MTMR6: variants seen among roughly 807,000 people sequenced by gnomAD.
MTMR6 encodes the protein phosphatidylinositol-3,5-bisphosphate 3-phosphatase MTMR6.
A neutral mutation model predicts 80.1 loss-of-function variants in MTMR6; 47 were observed. That is an observed-to-expected ratio of 0.59 (90% CI 0.46 to 0.75). The LOEUF (loss-of-function observed/expected upper bound fraction) is 0.75. MTMR6 is among the 30% of genes least tolerant of loss of function. The pLI is 0.00. For missense variants in MTMR6, 629 were observed against 730.9 expected (o/e 0.86, Z 1.61); for synonymous variants, 254 against 253.0 (o/e 1.00, Z -0.04).
intron 1 of MTMR6, among the ~76,000 whole-genome samples, chr13:25,281,784 C>T (rs1354255095): frequency 6.6e-6 from 1 of 152,128 alleles, no homozygotes; most frequent in East Asian, 1.9e-4. Context: ...AAGTTGTGTG[C>T]AGGAAGTGGA....
chr13:25,248,928 TG>T lies in MTMR6; in HGVS notation c.*303del, dbSNP rs1957031101. On this transcript the variant is annotated 3_prime_UTR_variant, in exon 14 of 14. Transcript: ENST00000381801. ...AATTGTACTTAAGGAAGGTTATTTA[TG>T]TTTGGCTGAATTAACATAAATCATA... 4.0e-6 allele frequency: 1 copy of T among 250,666 alleles called. No individual in the cohort carries two copies. The highest frequency in any genetic ancestry group is 7.6e-6 in the Non-Finnish European group (1 of 131,804). The allele number at this position is 250,666 out of a possible 1,614,324, so 15.5% of individuals were successfully genotyped here. A position where few individuals can be genotyped will look rare whatever the true frequency, so the allele number is the denominator to read the frequency against.
At chr13:25,267,717 A>C (rs1366802427) in intron 3 of MTMR6, 62 bp downstream of exon 3, 5 of 1,470,650 alleles carry the variant, frequency 3.4e-6, no homozygotes, top group Non-Finnish European at 4.6e-6. Context: ...AACATTAAAT[A>C]AAGTATCTTA....
At position 25,262,348 on chromosome 13, in the gene MTMR6, T is replaced by G. The variant is rs150826652; in HGVS notation, c.592-546A>C. Among the ~76,000 whole-genome samples the G allele has an allele frequency of 9.3e-3, 1,409 of 152,280 alleles. 26 individuals carry two copies. Among genetic ancestry groups the G allele is most frequent in the African/African-American group, 0.032 (1,311 of 41,562 alleles). Reference sequence around the variant, plus strand: ...ATCTATAAGTAGTGAGTGGTTGGATTCATTATTTACTGTTTTTTGTTTGGC... The same window carrying G: ...ATCTATAAGTAGTGAGTGGTTGGATGCATTATTTACTGTTTTTTGTTTGGC... On this transcript the variant is annotated intron_variant, in intron 5 of 13. Transcript: ENST00000381801.
chr13:25,270,850 A>G (rs1400636141), intron 2 of MTMR6, among the ~76,000 whole-genome samples: 1 of 152,232 alleles, frequency 6.6e-6, no homozygotes, highest in African/African-American at 2.4e-5. Context: ...GGGGTGTACC[A>G]CAGAGCAACA....
At chr13:25,258,195 T>A (rs1470148376) in intron 7 of MTMR6, among the ~76,000 whole-genome samples, 2 of 152,158 alleles carry the variant, frequency 1.3e-5, no homozygotes, top group African/African-American at 4.8e-5. Flanking sequence ...AGAATATCTA[T>A]CTAATAACAT....
intron 5 of MTMR6, among the ~76,000 whole-genome samples, chr13:25,264,005 A>G (rs921100390): frequency 6.6e-6 from 1 of 152,240 alleles, no homozygotes; most frequent in Non-Finnish European, 1.5e-5. Flanking sequence ...TATTTGAAAG[A>G]CATGAAAGAC....
Position 25,287,254 on chromosome 13 carries a change from G to C in MTMR6, c.-7C>G, listed in dbSNP as rs748263150. The C allele has an allele frequency of 1.9e-6, 3 of 1,593,344 alleles. No homozygotes were observed. The highest frequency in any genetic ancestry group is 1.7e-6 in the Non-Finnish European group (2 of 1,172,608). ...TCGTCCGGATATGCTCCATCGCAAG[G>C]AGACGTCAGCCGGCAGCCGGTCTCA... On this transcript the variant is annotated 5_prime_UTR_variant, in exon 1 of 14. Coordinates refer to ENST00000381801, the MANE Select transcript of MTMR6 (RefSeq NM_004685.5).
rs558473421 is a variant in MTMR6 at position 25,247,666 on chromosome 13, A to G, written c.*1566T>C. ...AATCACATACTATATTTTATAGTGCATTTCTGTTGCTGTTTAAAAAGGAAT... is the reference window on the plus strand; with the variant it reads ...AATCACATACTATATTTTATAGTGCGTTTCTGTTGCTGTTTAAAAAGGAAT... On this transcript the variant is annotated 3_prime_UTR_variant, in exon 14 of 14. Transcript: ENST00000381801. 3.9e-5 allele frequency: 6 copies of G among 152,306 alleles called. No individual in the cohort carries two copies. The highest frequency in any genetic ancestry group is 1.2e-4 in the African/African-American group (5 of 41,590). The allele number at this position is 152,306 out of a possible 1,614,324, so 9.4% of individuals were successfully genotyped here.
rs1483992380 is a variant in MTMR6, at chr13:25,287,481, G to C, written c.-234C>G. The C allele has an allele frequency of 5.2e-6, 3 of 582,474 alleles. No individual in the cohort carries two copies. Among genetic ancestry groups the C allele is most frequent in the South Asian group, 1.9e-5 (1 of 52,118 alleles). The allele number at this position is 582,474 out of a possible 1,614,324, so 36.1% of individuals were successfully genotyped here. A position where few individuals can be genotyped will look rare whatever the true frequency, so the allele number is the denominator to read the frequency against. ...GGGGGACTCGGGGCAGGCAGACAGAGCGTGTGTGGACCGAGAGCGGCTTGC... is the reference window on the plus strand; with the variant it reads ...GGGGGACTCGGGGCAGGCAGACAGACCGTGTGTGGACCGAGAGCGGCTTGC... On this transcript the variant is annotated 5_prime_UTR_variant, in exon 1 of 14. Coordinates refer to ENST00000381801, the MANE Select transcript of MTMR6 (RefSeq NM_004685.5).
chr13:25,270,858 A>T (rs1957557468), intron 2 of MTMR6, among the ~76,000 whole-genome samples: 4 of 152,224 alleles, frequency 2.6e-5, no homozygotes, highest in Admixed American at 1.3e-4. Context: ...CCACAGAGCA[A>T]CATCAATCTC....
rs1483772246 is a variant in MTMR6 at position 25,251,092 on chromosome 13, C to G, written c.1605+557G>C. On this transcript the variant is annotated intron_variant, in intron 13 of 13. Coordinates refer to ENST00000381801, the MANE Select transcript of MTMR6 (RefSeq NM_004685.5). This position sits in a 1 kb window ranked among gnomAD's most constrained non-coding sequence, Gnocchi z 4.1. ...AGTGCAGAGGCATGATCTTGGCTCA[C>G]TGCAACCTCCGCCTCCCAGGTTCAA... Among the ~76,000 whole-genome samples, 1 of 152,144 alleles carries G rather than the reference C, an allele frequency of 6.6e-6. No homozygotes were observed. Among genetic ancestry groups the G allele is most frequent in the Non-Finnish European group, 1.5e-5 (1 of 68,020 alleles).
rs78587267 is a variant in MTMR6 at position 25,261,346 on chromosome 13, T to C, written c.726+322A>G. The stretch of plus-strand genomic sequence containing the variant: ...AAAAAAAAAAAAAGAATAGTAACAA[T>C]TTATTTTTCATAACACACATTTTAT... On this transcript the variant is annotated intron_variant, in intron 6 of 13. Coordinates refer to ENST00000381801, the MANE Select transcript of MTMR6 (RefSeq NM_004685.5). 5.3e-3 allele frequency among the ~76,000 whole-genome samples: 713 copies of C among 133,678 alleles called. 7 individuals are homozygous for C. The highest frequency in any genetic ancestry group is 0.018 in the African/African-American group (673 of 38,400). The allele number at this position is 133,678 out of a possible 152,430, so 87.7% of individuals were successfully genotyped here.
intron 1 of MTMR6, among the ~76,000 whole-genome samples, chr13:25,278,709 CAAAAAA>C (rs57589187): frequency 1.8e-5 from 1 of 55,468 alleles, no homozygotes; most frequent in Non-Finnish European, 3.4e-5. Context: ...CAAGACTCTG[CAAAAAA>C]AAAAAAAAAA....
intron 1 of MTMR6, among the ~76,000 whole-genome samples, chr13:25,281,697 G>A (rs1246519434): frequency 6.6e-6 from 1 of 152,132 alleles, no homozygotes; most frequent in Non-Finnish European, 1.5e-5. Flanking sequence ...CCTATAGCCA[G>A]GCACTCATCT....
At chr13:25,250,956 G>T (rs1471515721) in intron 13 of MTMR6, among the ~76,000 whole-genome samples, 1 of 152,086 alleles carries the variant, frequency 6.6e-6, no homozygotes, top group African/African-American at 2.4e-5. Flanking sequence ...TGATACATGG[G>T]TGAAGACTGG....
Position 25,251,608 on chromosome 13 carries a change from A to T in MTMR6, c.1605+41T>A. On this transcript the variant is annotated intron_variant, in intron 13 of 13. Transcript: ENST00000381801. The surrounding 1 kb of genome is among the most constrained non-coding windows in gnomAD (Gnocchi z 4.1). ...CAAATATTAGTCTAATCGTAAACTAATTTCACATTCCAAATATATTAGATA... is the reference window on the plus strand; with the variant it reads ...CAAATATTAGTCTAATCGTAAACTATTTTCACATTCCAAATATATTAGATA... 1 of 1,418,500 alleles carries T rather than the reference A, an allele frequency of 7.0e-7. No individual in the cohort carries two copies. Among genetic ancestry groups the T allele is most frequent in the Non-Finnish European group, 9.7e-7 (1 of 1,029,444 alleles). The allele number at this position is 1,418,500 out of a possible 1,614,324, so 87.9% of individuals were successfully genotyped here. A position where few individuals can be genotyped will look rare whatever the true frequency, so the allele number is the denominator to read the frequency against.
intron 5 of MTMR6, among the ~76,000 whole-genome samples, chr13:25,264,712 G>A (rs977278103): frequency 2.3e-5 from 3 of 131,962 alleles, no homozygotes; most frequent in African/African-American, 5.9e-5. Context: ...CCGAGATCAC[G>A]CCATTGAACT....
In MTMR6 at chr13:25,265,799, T is replaced by G. The variant is rs1156856253; in HGVS notation, c.591+20A>C. The G allele has an allele frequency of 1.9e-6, 3 of 1,596,470 alleles. No individual in the cohort carries two copies. In the East Asian group the frequency reaches 6.7e-5, roughly 36 times the overall value. ...GATGAGTTATACTTTATTTCTAAAA[T>G]CAAAAGAAAAGCATCCTACCTCCTT... On this transcript the variant is annotated intron_variant, in intron 5 of 13. Coordinates refer to ENST00000381801, the MANE Select transcript of MTMR6 (RefSeq NM_004685.5).
In MTMR6 at chr13:25,280,683, G is replaced by A. The variant is rs116300314; in HGVS notation, c.25-6496C>T. On this transcript the variant is annotated intron_variant, in intron 1 of 13. Transcript: ENST00000381801. ...TTAGGAAGCAACTACAATTCTTTCT[G>A]GTCACTAACACTGAAGTACTAAGAA... Among the ~76,000 whole-genome samples the A allele has an allele frequency of 6.2e-3, 935 of 151,982 alleles. 13 individuals carry two copies. The highest frequency in any genetic ancestry group is 0.021 in the African/African-American group (861 of 41,450).
Sources: allele counts gnomAD v4.1 joint callset (sites outside exome capture counted in the v4.1 genomes callset), GRCh38; gene constraint gnomAD v4.1.1; non-coding constraint Gnocchi (gnomAD v3.1); transcripts MANE v1.5; gene names NCBI Gene and HGNC (gene_info 2026-07-23, HGNC 2026-07-21).